The following MTUS1 variants were observed in gnomAD, a reference collection of about 807,000 sequenced individuals.
MTUS1 encodes microtubule-associated tumor suppressor 1.
MTUS1 carries 109 observed loss-of-function variants against 120.8 expected under a neutral mutation model. The ratio of observed to expected loss-of-function variants is 0.90; its 90% CI spans 0.77 to 1.06. MTUS1 has a LOEUF of 1.06. MTUS1 is among the 50% of genes least tolerant of loss of function. The pLI is 0.00. For missense variants in MTUS1, 2,210 were observed against 1,486.3 expected (o/e 1.49, Z -8.01); for synonymous variants, 737 against 550.5 (o/e 1.34, Z -4.74).
intron 6 of MTUS1, among the ~76,000 whole-genome samples, chr8:17,687,177 C>G (rs1299841325): frequency 6.6e-6 from 1 of 152,046 alleles, no homozygotes; most frequent in African/African-American, 2.4e-5. Flanking sequence ...AACAGACTGC[C>G]CTCTCCGTGG....
intron 1 of MTUS1, among the ~76,000 whole-genome samples, chr8:17,799,774 T>C (rs2052532615): frequency 6.6e-6 from 1 of 152,174 alleles, no homozygotes; most frequent in Non-Finnish European, 1.5e-5. Context: ...ATAAACCTGA[T>C]TTTAAAAAGA....
intron 1 of MTUS1, among the ~76,000 whole-genome samples, chr8:17,767,707 A>AAAAAAACAAACAAACAAACAAACAAAC (rs2049656474): frequency 1.4e-5 from 2 of 144,442 alleles, no homozygotes; most frequent in African/African-American, 2.6e-5. Context: ...TCTTAAAAAA[A>AAAAAAACAAACAAACAAACAAACAAAC]AAAAAAAAAA....
intron 1 of MTUS1, among the ~76,000 whole-genome samples, chr8:17,777,791 T>C (rs1040332166): frequency 6.6e-6 from 1 of 152,204 alleles, no homozygotes; most frequent in Non-Finnish European, 1.5e-5. Flanking sequence ...AAATTTATTA[T>C]AGGAAATATT....
intron 6 of MTUS1, among the ~76,000 whole-genome samples, chr8:17,685,780 A>G (rs977082583): frequency 6.6e-6 from 1 of 152,238 alleles, no homozygotes; most frequent in African/African-American, 2.4e-5. Flanking sequence ...TCTCAGTTCT[A>G]AAATCACTAA....
intron 4 of MTUS1, among the ~76,000 whole-genome samples, chr8:17,719,237 C>G (rs568137754): frequency 2.6e-5 from 4 of 152,220 alleles, no homozygotes; most frequent in Admixed American, 6.5e-5. Context: ...ATACTACATT[C>G]TAACACCTAG....
Position 17,754,594 on chromosome 8 carries a change from A to T in MTUS1, c.1214T>A (p.Val405Glu). ...LILSSPPGQK[V>E]GSSFGLTWDA... ...CCAAGTCAGTCCAAATGACGAGCCC[A>T]CCTTTTGTCCTGGCGGGCTACTTAG... Residue 405 changes from valine (V) to glutamate (E), a missense_variant, in exon 2 of 15, where the codon GTG becomes GAG. Val to Glu is a moderately radical substitution (Grantham distance 121, BLOSUM62 -2). Transcript: ENST00000693296. The T allele has an allele frequency of 6.2e-7, 1 of 1,614,060 alleles. No individual in the cohort carries two copies. The highest frequency in any genetic ancestry group is 8.5e-7 in the Non-Finnish European group (1 of 1,180,000).
At chr8:17,744,342 A>G (rs1249577147) in intron 2 of MTUS1, among the ~76,000 whole-genome samples, 1 of 152,206 alleles carries the variant, frequency 6.6e-6, no homozygotes, top group Non-Finnish European at 1.5e-5. Context: ...CATCTACATA[A>G]TAAGAACCTT....
At position 17,784,974 on chromosome 8, in the gene MTUS1, G is replaced by A. The variant is rs531209660; in HGVS notation, c.-155+16087C>T. On this transcript the variant is annotated intron_variant, in intron 1 of 14. Transcript: ENST00000693296. ...TAATTTTTGTATTTTTTGTAGAAAC[G>A]GGGTTTCACCATGTTGGCCAGGCTG... 4.6e-5 allele frequency among the ~76,000 whole-genome samples: 7 copies of A among 151,910 alleles called. No homozygotes were observed. In the East Asian group the frequency reaches 1.2e-3, roughly 25 times the overall value.
rs138073709 is a variant in MTUS1, at chr8:17,778,172, T to A, written c.-154-22211A>T. Among the ~76,000 whole-genome samples, 217 of 152,252 alleles carry A rather than the reference T, an allele frequency of 1.4e-3. 1 individual carries two copies. Among genetic ancestry groups the A allele is most frequent in the African/African-American group, 4.9e-3 (203 of 41,542 alleles). ...TTTTTTTTTAATTGTGGTACATTCA[T>A]CTGATGAAATACCACTCCACAACAG... On this transcript the variant is annotated intron_variant, in intron 1 of 14. Transcript: ENST00000693296.
At chr8:17,676,783 G>A (rs11203891) in intron 7 of MTUS1, among the ~76,000 whole-genome samples, 90,802 of 152,012 alleles carry the variant, frequency 0.6, 28,999 homozygotes, top group East Asian at 0.82. Context: ...CTTGTTCTTC[G>A]AAGCCCATAT....
At chr8:17,688,745 A>T (rs1421129061) in intron 6 of MTUS1, among the ~76,000 whole-genome samples, 4 of 152,172 alleles carry the variant, frequency 2.6e-5, no homozygotes, top group Admixed American at 6.6e-5. Context: ...ATGTTTGTAT[A>T]AAGTTTTCTA....
intron 3 of MTUS1, among the ~76,000 whole-genome samples, chr8:17,738,907 G>C (rs892958897): frequency 1.3e-5 from 2 of 151,978 alleles, no homozygotes; most frequent in African/African-American, 2.4e-5. Flanking sequence ...GGGAGGCCTA[G>C]GTGGGAGGAT....
chr8:17,666,137 G>A (rs4388484), intron 8 of MTUS1, among the ~76,000 whole-genome samples: 107,942 of 144,212 alleles, frequency 0.75, 40,625 homozygotes, highest in East Asian at 0.97. Context: ...CAAACACTCC[G>A]TGTATAAACG....
intron 1 of MTUS1, among the ~76,000 whole-genome samples, chr8:17,779,697 T>TC (rs2050721285): frequency 6.6e-6 from 1 of 152,172 alleles, no homozygotes; most frequent in Non-Finnish European, 1.5e-5. Context: ...GAGGCCCTAC[T>TC]CTATCTTGGT....
In MTUS1 at chr8:17,644,505, A is replaced by ATAAG. The variant is rs994011752; in HGVS notation, c.*1417_*1420dup. 8 of 152,626 alleles carry ATAAG rather than the reference A, an allele frequency of 5.2e-5. No homozygotes were observed. The East Asian group carries it at 7.7e-4, about 15-fold the overall frequency. 9.5% of individuals were successfully genotyped at this position (152,626 alleles called of 1,614,324 possible). A position where few individuals can be genotyped will look rare whatever the true frequency, so the allele number is the denominator to read the frequency against. On this transcript the variant is annotated 3_prime_UTR_variant, in exon 15 of 15. Coordinates refer to ENST00000693296, the MANE Select transcript of MTUS1 (RefSeq NM_001363059.2). Reference sequence around the variant, plus strand: ...CAAAGTCTCAGGATTAGGGGAGGTAATAAGTTTTGGAAAGAAACTGAAATG... The same window carrying ATAAG: ...CAAAGTCTCAGGATTAGGGGAGGTAATAAGTAAGTTTTGGAAAGAAACTGAAATG...
intron 6 of MTUS1, among the ~76,000 whole-genome samples, chr8:17,689,701 G>T (rs964171881): frequency 1.3e-5 from 2 of 152,100 alleles, no homozygotes; most frequent in African/African-American, 4.8e-5. Context: ...ATAGATCAGT[G>T]GAAGAGAACA....
intron 3 of MTUS1, among the ~76,000 whole-genome samples, chr8:17,741,133 C>T (rs1415195581): frequency 6.6e-6 from 1 of 152,162 alleles, no homozygotes; most frequent in Non-Finnish European, 1.5e-5. Flanking sequence ...CCTGCCTCAG[C>T]CTCCCAAAGT....
chr8:17,762,872 T>C (rs1294159819), intron 1 of MTUS1, among the ~76,000 whole-genome samples: 2 of 152,164 alleles, frequency 1.3e-5, no homozygotes, highest in African/African-American at 4.8e-5. Context: ...ACCAATCCTT[T>C]TGGTCCATGG....
In MTUS1 at chr8:17,681,852, T is replaced by G. The variant is rs533678796; in HGVS notation, c.2838+2476A>C. On this transcript the variant is annotated intron_variant, in intron 7 of 14. Transcript: ENST00000693296. Reference sequence around the variant, plus strand: ...TTCCTAGTAGCCACGCTGAGAAAAGTTGAAAAAGATGAAGCTAATTTTAAT... The same window carrying G: ...TTCCTAGTAGCCACGCTGAGAAAAGGTGAAAAAGATGAAGCTAATTTTAAT... 4.3e-3 allele frequency among the ~76,000 whole-genome samples: 512 copies of G among 120,400 alleles called. 5 individuals carry two copies. The highest frequency in any genetic ancestry group is 0.011 in the African/African-American group (417 of 36,672). 79.0% of individuals were successfully genotyped at this position (120,400 alleles called of 152,430 possible).
Sources: allele counts gnomAD v4.1 joint callset (sites outside exome capture counted in the v4.1 genomes callset), GRCh38; gene constraint gnomAD v4.1.1; transcripts MANE v1.5; gene names NCBI Gene and HGNC (gene_info 2026-07-23, HGNC 2026-07-21).